FLT4: variants seen among roughly 807,000 people sequenced by gnomAD.
The protein encoded by FLT4 is fms related receptor tyrosine kinase 4.
In FLT4, 30 loss-of-function variants were observed where a neutral mutation model predicts 163.2. The ratio of observed to expected loss-of-function variants is 0.18; its 90% CI spans 0.14 to 0.25. FLT4 has a LOEUF of 0.25. FLT4 is among the 10% of genes least tolerant of loss of function. The pLI, the probability that FLT4 is intolerant of heterozygous loss-of-function variation, is 1.00. For missense variants in FLT4, 1,510 were observed against 1,863.8 expected (o/e 0.81, Z 3.50); for synonymous variants, 884 against 789.5 (o/e 1.12, Z -2.01).
chr5:180,631,144 G>A (rs1764091312), intron 2 of FLT4, among the ~76,000 whole-genome samples: 1 of 152,080 alleles, frequency 6.6e-6, no homozygotes, highest in African/African-American at 2.4e-5. Context: ...GAGGTGTCAG[G>A]AGTGGGGTGC....
rs371032164 is a variant in FLT4, at chr5:180,620,666, G to A, written c.2349C>T (p.Gly783=). The A allele has an allele frequency of 1.9e-6, 3 of 1,613,530 alleles. No homozygotes were observed. The highest frequency in any genetic ancestry group is 2.5e-6 in the Non-Finnish European group (3 of 1,179,984). Residue 783 remains glycine, a synonymous_variant, in exon 16 of 30, where the codon GGC becomes GGT. Transcript: ENST00000261937. This position sits in a 1 kb window ranked among gnomAD's most constrained non-coding sequence, Gnocchi z 4.4. The part of the protein sequence containing the change: ...SMEIVILVGT[G]VIAVFFWVLL... ...GGACCCAGAAGAAGACAGCGATGAC[G>A]CCGGTACCGACAAGGATCACGATCT...
intron 29 of FLT4, among the ~76,000 whole-genome samples, chr5:180,605,341 A>G (rs911154765): frequency 6.6e-6 from 1 of 152,196 alleles, no homozygotes; most frequent in Non-Finnish European, 1.5e-5. Flanking sequence ...GTCCATTTCT[A>G]TCCTGAAATT....
At position 180,620,182 on chromosome 5, in the gene FLT4, G is replaced by A. The variant is rs1443855663; in HGVS notation, c.2533C>T (p.Leu845=). ...CTGGTGCTGGCCTCACCCAGGTGCA[G>A]CCGCTCTCGGGGGAATTCCCACTGG... ...ASQWEFPRER[L]HLGRVLGYGA... The change falls in exon 17 of 30, where the codon CTG becomes TTG. Residue 845 remains leucine (L), a synonymous_variant. Transcript: ENST00000261937. The surrounding 1 kb of genome is among the most constrained non-coding windows in gnomAD (Gnocchi z 4.4). 1 of 1,607,380 alleles carries A rather than the reference G, an allele frequency of 6.2e-7. No individual in the cohort carries two copies. The highest frequency in any genetic ancestry group is 8.5e-7 in the Non-Finnish European group (1 of 1,179,684).
At chr5:180,609,736 G>A (rs1270523851) in intron 28 of FLT4, 169 bp downstream of exon 28, 9 of 751,628 alleles carry the variant, frequency 1.2e-5, no homozygotes, top group East Asian at 7.6e-5. Context: ...GCTGTGAGTC[G>A]TGGCATCGCA....
At chr5:180,631,281 G>GGC (rs1477723012) in intron 2 of FLT4, among the ~76,000 whole-genome samples, 10 of 152,092 alleles carry the variant, frequency 6.6e-5, no homozygotes, top group African/African-American at 2.4e-4. Context: ...AGACCATCCT[G>GGC]CTTAACACGG....
chr5:180,629,067 C>G (rs568330698), intron 7 of FLT4, 68 bp from the exon 8 acceptor site: 42 of 1,490,208 alleles, frequency 2.8e-5, no homozygotes, highest in East Asian at 1.1e-4. Context: ...GGACTCCCCC[C>G]ACGGCCCCTG....
At position 180,620,698 on chromosome 5, in the gene FLT4, T is replaced by C. The variant is rs1763062479; in HGVS notation, c.2317A>G (p.Ser773Gly). 1.2e-6 allele frequency: 2 copies of C among 1,613,450 alleles called. No homozygotes were observed. The highest frequency in any genetic ancestry group is 2.7e-5 in the African/African-American group (2 of 75,006). The change falls in exon 16 of 30, where the codon AGC becomes GGC. Residue 773 changes from serine to glycine, a missense_variant. Coordinates refer to ENST00000261937, the MANE Select transcript of FLT4 (RefSeq NM_182925.5). This position sits in a 1 kb window ranked among gnomAD's most constrained non-coding sequence, Gnocchi z 4.4. ...VAVEGSEDKGSMEIVILVGTG... is the reference protein window; with the variant it reads ...VAVEGSEDKGGMEIVILVGTG... The stretch of plus-strand genomic sequence containing the variant: ...CCGACAAGGATCACGATCTCCATGC[T>C]GCCCTTATCCTCGGAGCCTGCGTGG...
chr5:180,639,521 T>G (rs576447792), intron 1 of FLT4, among the ~76,000 whole-genome samples: 215 of 150,416 alleles, frequency 1.4e-3, no homozygotes, highest in African/African-American at 4.9e-3. Context: ...GATGGAAGGA[T>G]GAATGGATGG....
intron 1 of FLT4, among the ~76,000 whole-genome samples, chr5:180,640,083 G>A (rs940590376): frequency 2.0e-5 from 3 of 152,194 alleles, no homozygotes; most frequent in Non-Finnish European, 2.9e-5. Flanking sequence ...AGCCACAGGC[G>A]TGGCGGGCGT....
rs775247477 is a variant in FLT4 at position 180,629,302 on chromosome 5, G to A, written c.942C>T (p.Asn314=). 6.2e-6 allele frequency: 10 copies of A among 1,613,218 alleles called. No individual in the cohort carries two copies. The highest frequency in any genetic ancestry group is 2.2e-5 in the East Asian group (1 of 44,894). Residue 314 remains asparagine (N), a synonymous_variant, in exon 7 of 30, where the codon AAC becomes AAT. Coordinates refer to ENST00000261937, the MANE Select transcript of FLT4 (RefSeq NM_182925.5). The part of the protein sequence containing the change: ...DLGSYVCKAN[N]GIQRFRESTE... Reference sequence around the variant, plus strand: ...TGCTCTCCCGAAATCGCTGGATGCCGTTGTTGGCCTTGCACACATACGAGC... The same window carrying A: ...TGCTCTCCCGAAATCGCTGGATGCCATTGTTGGCCTTGCACACATACGAGC...
In FLT4 at chr5:180,630,648, C is replaced by A; in HGVS notation, c.307G>T (p.Ala103Ser). ...CKVLLLHEVH[A>S]NDTGSYVCYY... ...CAGACGTAGCTGCCTGTGTCGTTGGCATGTACCTCGTGCAGCAGCAACACC... is the reference window on the plus strand; with the variant it reads ...CAGACGTAGCTGCCTGTGTCGTTGGAATGTACCTCGTGCAGCAGCAACACC... The change falls in exon 3 of 30, where the codon GCC becomes TCC. Residue 103 changes from alanine to serine, a missense_variant. Around this residue, in one of 5 missense-constraint regions of FLT4, gnomAD observed 157 missense variants for 178.7 expected, o/e 0.88. Transcript: ENST00000261937. This position sits in a 1 kb window ranked among gnomAD's most constrained non-coding sequence, Gnocchi z 6.3. 6.2e-7 allele frequency: 1 copy of A among 1,613,240 alleles called. No homozygotes were observed. The highest frequency in any genetic ancestry group is 8.5e-7 in the Non-Finnish European group (1 of 1,179,990).
upstream of FLT4, among the ~76,000 whole-genome samples, chr5:180,649,905 C>G (rs1249215822): frequency 1.3e-5 from 2 of 152,106 alleles, no homozygotes; most frequent in African/African-American, 4.8e-5. Context: ...TTCTTTCCAT[C>G]GGTAAAATCT....
At chr5:180,618,654 C>T (rs1235497857) in intron 21 of FLT4, 116 bp downstream of exon 21, 3 of 1,115,572 alleles carry the variant, frequency 2.7e-6, no homozygotes, top group African/African-American at 3.1e-5. Flanking sequence ...AAGGCAGAGC[C>T]CATTCCACAC....
intron 24 of FLT4, 83 bp downstream of exon 24, chr5:180,613,985 C>T: frequency 2.1e-6 from 2 of 969,510 alleles, no homozygotes; most frequent in Non-Finnish European, 3.4e-6. Flanking sequence ...GTGCCCAGTC[C>T]CTTACTCCAG....
intron 29 of FLT4, among the ~76,000 whole-genome samples, chr5:180,607,351 C>G (rs1462357903): frequency 6.6e-6 from 1 of 151,954 alleles, no homozygotes; most frequent in Non-Finnish European, 1.5e-5. Flanking sequence ...ATAAAGAAAA[C>G]AGTGGCCGGG....
In FLT4 at chr5:180,602,871, A is replaced by C; in HGVS notation, c.*321T>G. The C allele has an allele frequency of 1.7e-6, 1 of 583,788 alleles. No homozygotes were observed. Among genetic ancestry groups the C allele is most frequent in the Non-Finnish European group, 3.0e-6 (1 of 328,712 alleles). 36.2% of individuals were successfully genotyped at this position (583,788 alleles called of 1,614,324 possible). ...CCAGGCCACCACCCAGTGTGATGAA[A>C]GGAGGTCGCCAAAGAGACATTCCCA... On this transcript the variant is annotated 3_prime_UTR_variant, in exon 30 of 30. Transcript: ENST00000261937.
intron 1 of FLT4, among the ~76,000 whole-genome samples, chr5:180,643,404 G>A (rs1444684144): frequency 3.3e-5 from 5 of 152,138 alleles, no homozygotes; most frequent in South Asian, 2.1e-4. Context: ...CTTTCTGGCC[G>A]CAGAACCCCT....
chr5:180,649,015 G>T (rs1299880862), intron 1 of FLT4, among the ~76,000 whole-genome samples: 1 of 152,148 alleles, frequency 6.6e-6, no homozygotes, highest in South Asian at 2.1e-4. Context: ...GCCCTCTGGG[G>T]GACCGACCGC....
Position 180,620,618 on chromosome 5 carries a change from G to T in FLT4, c.2397C>A (p.Asn799Lys). The change falls in exon 16 of 30, where the codon AAC (asparagine) becomes AAA (lysine). Residue 799 changes from asparagine to lysine, a missense_variant. Transcript: ENST00000261937. This position sits in a 1 kb window ranked among gnomAD's most constrained non-coding sequence, Gnocchi z 4.4. ...GGGGAGGGACACTCACCCTCCTCAT[G>T]TTACAGAAGATGAGGAGGAGGAGGA... Reference protein sequence around the residue: ...FWVLLLLIFCNMRRPAHADIK... With the variant: ...FWVLLLLIFCKMRRPAHADIK... 6.2e-7 allele frequency: 1 copy of T among 1,607,600 alleles called. No individual in the cohort carries two copies. Among genetic ancestry groups the T allele is most frequent in the Non-Finnish European group, 8.5e-7 (1 of 1,174,696 alleles).
Sources: allele counts gnomAD v4.1 joint callset (sites outside exome capture counted in the v4.1 genomes callset), GRCh38; gene constraint gnomAD v4.1.1; regional missense constraint gnomAD v4.1.1; non-coding constraint Gnocchi (gnomAD v3.1); transcripts MANE v1.5; gene names NCBI Gene and HGNC (gene_info 2026-07-23, HGNC 2026-07-21).